Variants in BRINP3 observed in about 807,000 individuals in gnomAD.
The protein encoded by BRINP3 is BMP/retinoic acid-inducible neural-specific protein 3.
A neutral mutation model predicts 71.0 loss-of-function variants in BRINP3; 19 were observed. That is an observed-to-expected ratio of 0.27 (90% CI 0.19 to 0.39). The LOEUF is 0.39. Ranked by LOEUF, BRINP3 falls within the 10% of genes least tolerant of loss-of-function variation. The pLI is 1.00. For missense variants in BRINP3, 959 were observed against 940.8 expected (o/e 1.02, Z -0.25); for synonymous variants, 380 against 337.7 (o/e 1.13, Z -1.37).
intron 2 of BRINP3, among the ~76,000 whole-genome samples, chr1:190,335,044 C>T (rs1399930696): frequency 1.3e-5 from 2 of 151,750 alleles, no homozygotes; most frequent in African/African-American, 2.4e-5. Flanking sequence ...TAATTACTCC[C>T]TATTGCTTTT....
At position 190,226,215 on chromosome 1, in the gene BRINP3, A is replaced by T; in HGVS notation, c.828T>A (p.Asn276Lys). 1.9e-6 allele frequency: 3 copies of T among 1,612,698 alleles called. No homozygotes were observed. Among genetic ancestry groups the T allele is most frequent in the Non-Finnish European group, 2.5e-6 (3 of 1,179,164 alleles). ...TGGGACCACAGTGACACCAGCAGTC[A>T]TTTTCCTTGCAGATAAACTCTCCCT... ...NSEGEFICKE[N>K]DCWCHCGPKF... Residue 276 changes from asparagine to lysine, a missense_variant, in exon 6 of 8, where the codon AAT (asparagine) becomes AAA (lysine). Asn to Lys is a moderately conservative substitution (Grantham distance 94). Coordinates refer to ENST00000367462, the MANE Select transcript of BRINP3 (RefSeq NM_199051.3).
intron 2 of BRINP3, among the ~76,000 whole-genome samples, chr1:190,283,050 T>C (rs1285489651): frequency 6.6e-6 from 1 of 152,046 alleles, no homozygotes; most frequent in East Asian, 1.9e-4. Flanking sequence ...TGACAGTTTC[T>C]AACTATGGAT....
At chr1:190,172,815 C>T (rs1015423277) in intron 6 of BRINP3, among the ~76,000 whole-genome samples, 1 of 152,116 alleles carries the variant, frequency 6.6e-6, no homozygotes, top group East Asian at 1.9e-4. Context: ...GATATGGTGG[C>T]TCCCACGAAC....
At position 190,226,257 on chromosome 1, in the gene BRINP3, G is replaced by A; in HGVS notation, c.786C>T (p.Tyr262=). 1 of 1,612,212 alleles carries A rather than the reference G, an allele frequency of 6.2e-7. No individual in the cohort carries two copies. Among genetic ancestry groups the A allele is most frequent in the Non-Finnish European group, 8.5e-7 (1 of 1,178,934 alleles). ...ACTCTCCCTCTGAATTGCAAGCAAT[G>A]TAGCTCAAAGCTGCTTGTACAAAAC... ...QERFVQAALS[Y]IACNSEGEFI... The change falls in exon 6 of 8, where the codon TAC becomes TAT. Residue 262 remains tyrosine (Y), a synonymous_variant. Transcript: ENST00000367462.
At chr1:190,139,712 CAG>C (rs1286468455) in intron 7 of BRINP3, among the ~76,000 whole-genome samples, 1 of 152,084 alleles carries the variant, frequency 6.6e-6, no homozygotes, top group African/African-American at 2.4e-5. Flanking sequence ...GAATGATATA[CAG>C]AGTTCAGTCA....
At chr1:190,275,175 A>C (rs1227917214) in intron 3 of BRINP3, among the ~76,000 whole-genome samples, 1 of 151,658 alleles carries the variant, frequency 6.6e-6, no homozygotes, top group East Asian at 1.9e-4. Flanking sequence ...GTTAGGTGGC[A>C]ATGAATCTAC....
intron 2 of BRINP3, among the ~76,000 whole-genome samples, chr1:190,396,405 T>C (rs1671569034): frequency 1.3e-5 from 1 of 76,174 alleles, no homozygotes; most frequent in African/African-American, 5.2e-5. Flanking sequence ...AGATCTTGGC[T>C]CAATTCCTCA....
chr1:190,267,079 C>T (rs185369723), intron 3 of BRINP3, among the ~76,000 whole-genome samples: 138 of 152,202 alleles, frequency 9.1e-4, no homozygotes, highest in African/African-American at 3.1e-3. Context: ...GACTTCAACA[C>T]ATATTTCTTT....
intron 2 of BRINP3, among the ~76,000 whole-genome samples, chr1:190,283,838 T>G (rs1364900205): frequency 6.6e-6 from 1 of 151,650 alleles, no homozygotes; most frequent in African/African-American, 2.4e-5. Context: ...AGGCTTATGC[T>G]CAAACATTTA....
intron 2 of BRINP3, among the ~76,000 whole-genome samples, chr1:190,307,582 C>T (rs1292494263): frequency 6.6e-6 from 1 of 151,748 alleles, no homozygotes; most frequent in African/African-American, 2.4e-5. Flanking sequence ...GAAAGCAAGG[C>T]CATATTTTCA....
intron 7 of BRINP3, among the ~76,000 whole-genome samples, chr1:190,119,215 AACATT>A (rs1413396242): frequency 6.6e-6 from 1 of 151,970 alleles, no homozygotes; most frequent in Non-Finnish European, 1.5e-5. Flanking sequence ...AAATCTTTAA[AACATT>A]ACATTACATG....
At chr1:190,326,802 G>C (rs1193776703) in intron 2 of BRINP3, among the ~76,000 whole-genome samples, 1 of 151,948 alleles carries the variant, frequency 6.6e-6, no homozygotes, top group Non-Finnish European at 1.5e-5. Flanking sequence ...ACTTCAAGGA[G>C]TACCAAACAT....
intron 2 of BRINP3, among the ~76,000 whole-genome samples, chr1:190,403,596 A>G (rs768012470): frequency 6.6e-6 from 1 of 152,212 alleles, no homozygotes; most frequent in Non-Finnish European, 1.5e-5. Context: ...CCCTGAGTAG[A>G]TGAATGGTTT....
chr1:190,277,090 TA>T (rs1208360133), intron 3 of BRINP3, among the ~76,000 whole-genome samples: 2 of 97,416 alleles, frequency 2.1e-5, no homozygotes, highest in African/African-American at 6.6e-5. Context: ...TTTGGTTTTA[TA>T]TATATATATA....
At chr1:190,446,024 T>C (rs770479515) in intron 2 of BRINP3, among the ~76,000 whole-genome samples, 25 of 152,092 alleles carry the variant, frequency 1.6e-4, no homozygotes, top group Non-Finnish European at 2.9e-4. Context: ...ACAAAAGCCA[T>C]ATTTTTAATT....
intron 3 of BRINP3, among the ~76,000 whole-genome samples, chr1:190,276,644 CAT>C (rs1014447838): frequency 2.0e-5 from 3 of 151,062 alleles, no homozygotes; most frequent in Non-Finnish European, 4.4e-5. Flanking sequence ...CACACACACA[CAT>C]ACACACACAC....
chr1:190,210,482 C>G (rs1220725537), intron 6 of BRINP3, among the ~76,000 whole-genome samples: 1 of 152,012 alleles, frequency 6.6e-6, no homozygotes, highest in Non-Finnish European at 1.5e-5. Flanking sequence ...CAAACAGGCA[C>G]ATTTATAATG....
chr1:190,151,439 C>T (rs1390634031), intron 7 of BRINP3, among the ~76,000 whole-genome samples: 2 of 152,098 alleles, frequency 1.3e-5, no homozygotes, highest in African/African-American at 4.8e-5. Flanking sequence ...AATGTGATAT[C>T]AGCAAATAAT....
chr1:190,299,989 C>G (rs928647255), intron 2 of BRINP3, among the ~76,000 whole-genome samples: 15 of 151,946 alleles, frequency 9.9e-5, no homozygotes, highest in African/African-American at 2.4e-5. Flanking sequence ...AACTTTTTTT[C>G]CTTCATTTCA....
Sources: allele counts gnomAD v4.1 joint callset (sites outside exome capture counted in the v4.1 genomes callset), GRCh38; gene constraint gnomAD v4.1.1; transcripts MANE v1.5; gene names NCBI Gene and HGNC (gene_info 2026-07-23, HGNC 2026-07-21).